The following RBFOX1 variants were observed in gnomAD, a reference collection of about 807,000 sequenced individuals.
The protein encoded by RBFOX1 is RNA binding protein fox-1 homolog 1.
Under a neutral mutation model 57.7 loss-of-function variants are expected in RBFOX1, and 8 were observed. That is an observed-to-expected ratio of 0.14 (90% confidence interval 0.08 to 0.25). RBFOX1 has a LOEUF of 0.25. RBFOX1 is among the 10% of genes least tolerant of loss of function. The probability of loss-of-function intolerance (pLI) is 1.00; values close to 1 mark genes in which losing one functional copy is unlikely to be tolerated. For missense variants in RBFOX1, 611 were observed against 548.5 expected, an observed-to-expected ratio of 1.11 and a Z score of -1.14; for synonymous variants, 326 against 222.4, an observed-to-expected ratio of 1.47 and a Z score of -4.15.
At chr16:5,496,015 A>C (rs933839846) in intron 2 of RBFOX1, among the ~76,000 whole-genome samples, 1 of 152,120 alleles carries the variant, frequency 6.6e-6, no homozygotes, top group Non-Finnish European at 1.5e-5. Context: ...AATCCCAGCT[A>C]CTCGGGAGGC....
At chr16:6,670,229 A>T (rs914246497) in intron 3 of RBFOX1, among the ~76,000 whole-genome samples, 4 of 151,666 alleles carry the variant, frequency 2.6e-5, no homozygotes, top group African/African-American at 9.7e-5. Context: ...ATGCCTGGCT[A>T]TGTTTTTTTT....
intron 3 of RBFOX1, among the ~76,000 whole-genome samples, chr16:5,622,778 C>T (rs1359659134): frequency 1.3e-5 from 2 of 152,204 alleles, no homozygotes; most frequent in African/African-American, 4.8e-5. Context: ...GTTGGCCCTC[C>T]ATATCTGGGG....
intron 3 of RBFOX1, among the ~76,000 whole-genome samples, chr16:6,674,630 C>T (rs146545240): frequency 9.2e-5 from 14 of 152,118 alleles, no homozygotes; most frequent in African/African-American, 3.1e-4. Context: ...CCCGAATGGG[C>T]TCTTATAAGA....
At chr16:6,548,309 A>G (rs2096923471) in intron 2 of RBFOX1, among the ~76,000 whole-genome samples, 2 of 152,230 alleles carry the variant, frequency 1.3e-5, no homozygotes, top group African/African-American at 2.4e-5. Context: ...TTGGCAGTTT[A>G]GAAAACAGAG....
intron 3 of RBFOX1, among the ~76,000 whole-genome samples, chr16:7,044,860 C>T (rs549287419): frequency 2.0e-5 from 3 of 152,178 alleles, no homozygotes; most frequent in Non-Finnish European, 4.4e-5. Context: ...CACCTCCCCT[C>T]TCCCCACCCG....
intron 2 of RBFOX1, among the ~76,000 whole-genome samples, chr16:5,501,812 C>G (rs1379774578): frequency 1.3e-5 from 2 of 152,166 alleles, no homozygotes; most frequent in African/African-American, 4.8e-5. Flanking sequence ...CTCCTGGGCT[C>G]AAGTGATTCT....
intron 3 of RBFOX1, among the ~76,000 whole-genome samples, chr16:6,932,437 A>G (rs1359693755): frequency 1.3e-5 from 2 of 152,110 alleles, no homozygotes; most frequent in African/African-American, 2.4e-5. Flanking sequence ...TCACCTCACA[A>G]TACCATTACA....
intron 1 of RBFOX1, among the ~76,000 whole-genome samples, chr16:5,352,596 A>G (rs1280276363): frequency 6.6e-6 from 1 of 152,222 alleles, no homozygotes; most frequent in Admixed American, 6.5e-5. Flanking sequence ...GATCAAACAC[A>G]TTCTCTTACA....
At chr16:7,094,013 G>A (rs1211442841) in intron 4 of RBFOX1, among the ~76,000 whole-genome samples, 1 of 151,262 alleles carries the variant, frequency 6.6e-6, no homozygotes, top group African/African-American at 2.4e-5. Context: ...TTATGATTGT[G>A]TTTTAAACAT....
intron 4 of RBFOX1, among the ~76,000 whole-genome samples, chr16:7,372,314 C>G (rs1283493820): frequency 1.3e-5 from 2 of 152,164 alleles, no homozygotes; most frequent in Non-Finnish European, 1.5e-5. Context: ...CTAGCAGGCT[C>G]TAAAGGACAC....
intron 4 of RBFOX1, among the ~76,000 whole-genome samples, chr16:7,185,747 A>G (rs1355825708): frequency 1.3e-5 from 2 of 152,148 alleles, no homozygotes; most frequent in Non-Finnish European, 2.9e-5. Context: ...AAATGTCGAG[A>G]TATTGAATTC....
At chr16:7,272,745 C>T (rs186545316) in intron 4 of RBFOX1, among the ~76,000 whole-genome samples, 2 of 152,212 alleles carry the variant, frequency 1.3e-5, no homozygotes, top group Non-Finnish European at 2.9e-5. Context: ...GCTCCTGAAG[C>T]TCCTGAAACC....
intron 3 of RBFOX1, among the ~76,000 whole-genome samples, chr16:5,687,622 TAGC>T (rs1165543608): frequency 6.6e-6 from 1 of 152,208 alleles, no homozygotes; most frequent in Non-Finnish European, 1.5e-5. Context: ...AAAGTCATTG[TAGC>T]GTCACCATGA....
intron 1 of RBFOX1, among the ~76,000 whole-genome samples, chr16:5,428,547 TC>T (rs1468319456): frequency 4.6e-5 from 7 of 152,080 alleles, no homozygotes; most frequent in Non-Finnish European, 8.8e-5. Flanking sequence ...TTTCAGATTG[TC>T]CTGAGCACCA....
intron 4 of RBFOX1, among the ~76,000 whole-genome samples, chr16:7,130,758 C>G (rs926151682): frequency 1.3e-5 from 2 of 152,228 alleles, no homozygotes; most frequent in South Asian, 2.1e-4. Context: ...CCTTTAATAT[C>G]GTGCTTAAAT....
chr16:6,792,616 C>G (rs949502017), intron 3 of RBFOX1, among the ~76,000 whole-genome samples: 1 of 152,186 alleles, frequency 6.6e-6, no homozygotes, highest in Non-Finnish European at 1.5e-5. Context: ...TGCAAAAAGC[C>G]TTCATGTAAC....
intron 3 of RBFOX1, among the ~76,000 whole-genome samples, chr16:5,613,243 G>A (rs752408814): frequency 1.3e-5 from 2 of 152,164 alleles, no homozygotes; most frequent in Non-Finnish European, 2.9e-5. Flanking sequence ...CCCAACATGT[G>A]GGTGGACATC....
chr16:5,502,882 T>G (rs984735377), intron 2 of RBFOX1, among the ~76,000 whole-genome samples: 1 of 152,130 alleles, frequency 6.6e-6, no homozygotes, highest in Non-Finnish European at 1.5e-5. Flanking sequence ...CAATTCTGAT[T>G]GAGATCTTGA....
At chr16:7,442,418 T>A (rs537639488) in intron 4 of RBFOX1, among the ~76,000 whole-genome samples, 1 of 152,254 alleles carries the variant, frequency 6.6e-6, no homozygotes, top group African/African-American at 2.4e-5. Context: ...GCCCTGCAAC[T>A]CTGTGAACAG....
Sources: gnomAD v4.1 joint callset for allele counts (sites outside exome capture counted in the v4.1 genomes callset) on GRCh38, gnomAD v4.1.1 for gene constraint, MANE v1.5 for transcripts, NCBI Gene and HGNC (gene_info 2026-07-23, HGNC 2026-07-21) for gene names.